The following SHISA9 variants were observed in gnomAD, a reference collection of about 807,000 sequenced individuals.
The protein encoded by SHISA9 is shisa family member 9, also known as protein shisa-9.
In SHISA9, 13 loss-of-function variants were observed where a neutral mutation model predicts 38.0. The ratio of observed to expected loss-of-function variants is 0.34; its 90% CI spans 0.22 to 0.54. The LOEUF (loss-of-function observed/expected upper bound fraction) is 0.54. SHISA9 is among the 20% of genes least tolerant of loss of function. SHISA9 has a pLI of 0.91. For missense variants in SHISA9, 538 were observed against 575.8 expected (o/e 0.93, Z 0.67); for synonymous variants, 275 against 242.0 (o/e 1.14, Z -1.27).
chr16:13,127,643 C>T (rs1389349756), intron 2 of SHISA9, among the ~76,000 whole-genome samples: 1 of 152,080 alleles, frequency 6.6e-6, no homozygotes, highest in African/African-American at 2.4e-5. Flanking sequence ...CCAAAAGATG[C>T]ACTCTTAAGC....
chr16:13,221,814 C>T (rs949584202), intron 4 of SHISA9, among the ~76,000 whole-genome samples: 1 of 152,154 alleles, frequency 6.6e-6, no homozygotes, highest in Non-Finnish European at 1.5e-5. Flanking sequence ...AGTCCTCTCC[C>T]AGCTAACCCC....
chr16:13,451,409 A>G, the SHISA9 span, among the ~76,000 whole-genome samples: 1 of 152,212 alleles, frequency 6.6e-6, no homozygotes, highest in Non-Finnish European at 1.5e-5. Context: ...CCTGCTCCCT[A>G]TTGGGAGAGA....
At chr16:13,285,469 T>G in the SHISA9 span, among the ~76,000 whole-genome samples, 1 of 148,728 alleles carries the variant, frequency 6.7e-6, no homozygotes, top group Non-Finnish European at 1.5e-5. Context: ...GTAGTTTTTT[T>G]TTTTTTTTTT....
the SHISA9 span, among the ~76,000 whole-genome samples, chr16:13,372,692 A>G: frequency 6.6e-6 from 1 of 152,236 alleles, no homozygotes; most frequent in Non-Finnish European, 1.5e-5. Flanking sequence ...AATATTTAAG[A>G]AGCTCTTTTG....
At chr16:13,433,626 T>C in the SHISA9 span, among the ~76,000 whole-genome samples, 18 of 152,190 alleles carry the variant, frequency 1.2e-4, no homozygotes, top group African/African-American at 4.3e-4. Context: ...CACCACCACA[T>C]GTCACTGCAT....
At chr16:13,349,763 G>T in the SHISA9 span, among the ~76,000 whole-genome samples, 2 of 152,212 alleles carry the variant, frequency 1.3e-5, no homozygotes, top group African/African-American at 2.4e-5. Flanking sequence ...AATCATGAAG[G>T]TGTAGTAATA....
chr16:13,073,512 C>T (rs2073543295), intron 2 of SHISA9, among the ~76,000 whole-genome samples: 1 of 152,132 alleles, frequency 6.6e-6, no homozygotes, highest in Admixed American at 6.5e-5. Flanking sequence ...GTTAGAAATG[C>T]AAATTCTCAG....
intron 2 of SHISA9, among the ~76,000 whole-genome samples, chr16:13,029,648 A>G (rs1042251653): frequency 6.6e-6 from 1 of 152,214 alleles, no homozygotes. Flanking sequence ...TATTTGCAAC[A>G]ACATGGATGG....
the SHISA9 span, among the ~76,000 whole-genome samples, chr16:13,544,730 G>T: frequency 3.3e-5 from 5 of 152,160 alleles, no homozygotes; most frequent in African/African-American, 7.2e-5. Flanking sequence ...ATCACTTGAG[G>T]TCAGGAGCTC....
At chr16:13,224,263 C>T (rs1353095731) in intron 4 of SHISA9, among the ~76,000 whole-genome samples, 1 of 152,190 alleles carries the variant, frequency 6.6e-6, no homozygotes, top group African/African-American at 2.4e-5. Context: ...GCCTTCTTCA[C>T]CTGACTTTAT....
chr16:13,395,701 T>A, the SHISA9 span, among the ~76,000 whole-genome samples: 28 of 152,378 alleles, frequency 1.8e-4, no homozygotes, highest in South Asian at 1.4e-3. Flanking sequence ...CTTATTGTTG[T>A]GCCTCCAGAA....
intron 2 of SHISA9, among the ~76,000 whole-genome samples, chr16:13,185,010 A>G (rs763225110): frequency 7.2e-5 from 11 of 152,214 alleles, no homozygotes; most frequent in Non-Finnish European, 1.2e-4. Flanking sequence ...TATTTTCCCA[A>G]AAGAGCTGTA....
chr16:13,519,312 CA>C, the SHISA9 span, among the ~76,000 whole-genome samples: 1 of 152,108 alleles, frequency 6.6e-6, no homozygotes, highest in East Asian at 1.9e-4. Flanking sequence ...GTAGTTGAAG[CA>C]TTCGTTGTAG....
chr16:13,327,687 T>C, the SHISA9 span, among the ~76,000 whole-genome samples: 1 of 152,034 alleles, frequency 6.6e-6, no homozygotes, highest in Non-Finnish European at 1.5e-5. Flanking sequence ...GACAGGGTCT[T>C]GCTTTGTTGC....
chr16:13,455,706 G>A, the SHISA9 span, among the ~76,000 whole-genome samples: 419 of 152,264 alleles, frequency 2.8e-3, no homozygotes, highest in African/African-American at 9.8e-3. Context: ...TGCAGTTAAC[G>A]GTGCCAGGTT....
chr16:13,130,740 T>C (rs2050299391), intron 2 of SHISA9, among the ~76,000 whole-genome samples: 1 of 152,228 alleles, frequency 6.6e-6, no homozygotes, highest in Admixed American at 6.5e-5. Context: ...GCAATCTCTG[T>C]TCAACCCCTC....
At chr16:12,978,518 C>T (rs1481556441) in intron 2 of SHISA9, among the ~76,000 whole-genome samples, 1 of 152,112 alleles carries the variant, frequency 6.6e-6, no homozygotes, top group Non-Finnish European at 1.5e-5. Context: ...GAGCAACTGC[C>T]AGTGATGCAC....
At chr16:13,068,403 G>A (rs968197163) in intron 2 of SHISA9, among the ~76,000 whole-genome samples, 1 of 152,216 alleles carries the variant, frequency 6.6e-6, no homozygotes, top group African/African-American at 2.4e-5. Flanking sequence ...AAAAGGGTGT[G>A]TGAACACCCA....
intron 4 of SHISA9, among the ~76,000 whole-genome samples, chr16:13,227,196 G>A (rs1197806581): frequency 3.9e-5 from 6 of 152,156 alleles, no homozygotes; most frequent in Non-Finnish European, 7.3e-5. Flanking sequence ...CATATGGTGG[G>A]TACCTGTTTG....
Sources: allele counts gnomAD v4.1 joint callset (sites outside exome capture counted in the v4.1 genomes callset), GRCh38; gene constraint gnomAD v4.1.1; transcripts MANE v1.5; gene names NCBI Gene and HGNC (gene_info 2026-07-23, HGNC 2026-07-21).